KDM1B: variants seen among roughly 807,000 people sequenced by gnomAD.
KDM1B encodes the protein lysine-specific histone demethylase 2.
A neutral mutation model predicts 107.4 loss-of-function variants in KDM1B; 63 were observed. That is an observed-to-expected ratio of 0.59 (90% CI 0.48 to 0.72). The LOEUF (loss-of-function observed/expected upper bound fraction) is 0.72. Among genes scored for constraint, KDM1B ranks in the 30% least tolerant of loss-of-function variants. The probability of loss-of-function intolerance (pLI) is 0.00; values close to 1 mark genes in which losing one functional copy is unlikely to be tolerated. For synonymous variants in KDM1B, 363 were observed against 363.9 expected, an observed-to-expected ratio of 1.00 and a Z score of 0.03; for missense variants, 749 against 1,020.8, an observed-to-expected ratio of 0.73 and a Z score of 3.63.
intron 21 of KDM1B, among the ~76,000 whole-genome samples, chr6:18,218,174 G>T (rs1202702636): frequency 6.6e-6 from 1 of 152,092 alleles, no homozygotes; most frequent in Non-Finnish European, 1.5e-5. Flanking sequence ...AGACTGGAGT[G>T]CAGTGGTACA....
chr6:18,199,030 A>G (rs1296356898), intron 12 of KDM1B, among the ~76,000 whole-genome samples: 1 of 150,322 alleles, frequency 6.7e-6, no homozygotes, highest in Non-Finnish European at 1.5e-5. Flanking sequence ...AAAAAAAAAA[A>G]AAAGAAAAAA....
intron 20 of KDM1B, among the ~76,000 whole-genome samples, chr6:18,215,839 T>C (rs1436609893): frequency 6.6e-6 from 1 of 152,102 alleles, no homozygotes; most frequent in Non-Finnish European, 1.5e-5. Context: ...AGCTTTCCTT[T>C]TAAGAGGAGC....
intron 7 of KDM1B, among the ~76,000 whole-genome samples, chr6:18,175,373 C>T (rs1173754201): frequency 6.6e-6 from 1 of 152,112 alleles, no homozygotes; most frequent in Admixed American, 6.6e-5. Context: ...ATTGTAGATT[C>T]TGGATAGTAG....
intron 7 of KDM1B, among the ~76,000 whole-genome samples, chr6:18,180,937 CCT>C (rs1333511923): frequency 4.6e-5 from 7 of 152,186 alleles, no homozygotes; most frequent in Non-Finnish European, 1.5e-5. Flanking sequence ...CGTAATCTCA[CCT>C]CTCTTTTACT....
At position 18,187,839 on chromosome 6, in the gene KDM1B, A is replaced by G. The variant is rs1786977970; in HGVS notation, c.621A>G (p.Leu207=). Reference sequence around the variant, plus strand: ...ATTGGTGGTACTCTATGCTCATCCTACCTCCTTTGCTGAAAGACAGTGTGG... The same window carrying G: ...ATTGGTGGTACTCTATGCTCATCCTGCCTCCTTTGCTGAAAGACAGTGTGG... The part of the protein sequence containing the change: ...SNHWWYSMLI[L]PPLLKDSVAA... The change falls in exon 9 of 22, where the codon CTA becomes CTG. Residue 207 remains leucine, a synonymous_variant. Transcript: ENST00000650836. 6.5e-7 allele frequency: 1 copy of G among 1,550,086 alleles called. No homozygotes were observed. The highest frequency in any genetic ancestry group is 8.7e-7 in the Non-Finnish European group (1 of 1,146,928).
chr6:18,204,671 G>T lies in KDM1B; in HGVS notation c.1532-866G>T, dbSNP rs1288431966. ...TGTAAGACAAAAATGATATCACAGG[G>T]CTGTGTCCATATAGTTACAAGGTCC... On this transcript the variant is annotated intron_variant, in intron 14 of 21. Transcript: ENST00000650836. The surrounding 1 kb of genome is among the most constrained non-coding windows in gnomAD (Gnocchi z 4.9). 6.6e-6 allele frequency among the ~76,000 whole-genome samples: 1 copy of T among 152,188 alleles called. No homozygotes were observed. Among genetic ancestry groups the T allele is most frequent in the Non-Finnish European group, 1.5e-5 (1 of 68,030 alleles).
intron 9 of KDM1B, among the ~76,000 whole-genome samples, chr6:18,189,184 C>T (rs780281125): frequency 3.3e-5 from 5 of 152,076 alleles, no homozygotes; most frequent in Non-Finnish European, 5.9e-5. Context: ...GAACAAATGG[C>T]ATTTTTGATT....
At chr6:18,163,042 G>C in intron 5 of KDM1B, 118 bp downstream of exon 5, 1 of 653,388 alleles carries the variant, frequency 1.5e-6, no homozygotes, top group Non-Finnish European at 2.8e-6. Context: ...AGCTCTTTCA[G>C]CCATGCCTGT....
At chr6:18,181,308 C>T (rs903055059) in intron 7 of KDM1B, among the ~76,000 whole-genome samples, 2 of 152,090 alleles carry the variant, frequency 1.3e-5, no homozygotes, top group Admixed American at 1.3e-4. Context: ...TAGTACTACA[C>T]ACACTTTTTT....
At position 18,187,946 on chromosome 6, in the gene KDM1B, C is replaced by G. The variant is rs939938288; in HGVS notation, c.728C>G (p.Thr243Ser). 6.4e-7 allele frequency: 1 copy of G among 1,550,430 alleles called. No individual in the cohort carries two copies. Among genetic ancestry groups the G allele is most frequent in the African/African-American group, 1.4e-5 (1 of 73,060 alleles). ...SCTSTNRAAA[T>S]GNASPGKLEH... ...ACCAGCACAAACCGCGCCGCTGCCA[C>G]TGGCAATGCCAGCCCTGGGAAGCTG... Residue 243 changes from threonine to serine, a missense_variant, in exon 9 of 22, where the codon ACT (threonine) becomes AGT (serine). Transcript: ENST00000650836.
At position 18,197,147 on chromosome 6, in the gene KDM1B, T is replaced by G; in HGVS notation, c.1060T>G (p.Tyr354Asp). ...RCVQEVERIL[Y>D]FMTRKGLINT... is the part of the protein sequence containing the mutation. Reference sequence around the variant, plus strand: ...CGTTCAGGAAGTGGAGAGAATACTGTATTTTATGACCAGAAAAGGTCTCAT... The same window carrying G: ...CGTTCAGGAAGTGGAGAGAATACTGGATTTTATGACCAGAAAAGGTCTCAT... Residue 354 changes from tyrosine to aspartate, a missense_variant, in exon 11 of 22, where the codon TAT becomes GAT. Tyr to Asp is a radical substitution (Grantham distance 160). Transcript: ENST00000650836. The surrounding 1 kb of genome is among the most constrained non-coding windows in gnomAD (Gnocchi z 4.5). 1.9e-6 allele frequency: 3 copies of G among 1,614,186 alleles called. No homozygotes were observed. Among genetic ancestry groups the G allele is most frequent in the Non-Finnish European group, 2.5e-6 (3 of 1,180,016 alleles).
In KDM1B at chr6:18,162,058, C is replaced by A. The variant is rs1175471701; in HGVS notation, c.215+604C>A. Reference sequence around the variant, plus strand: ...AAAGAGGGCCAGGCATGGTGGCATGCGCCTGTAATCCCAGCACTTTGAGAG... The same window carrying A: ...AAAGAGGGCCAGGCATGGTGGCATGAGCCTGTAATCCCAGCACTTTGAGAG... On this transcript the variant is annotated intron_variant, in intron 4 of 21. Coordinates refer to ENST00000650836, the MANE Select transcript of KDM1B (RefSeq NM_001364614.2). The surrounding 1 kb of genome is among the most constrained non-coding windows in gnomAD (Gnocchi z 4.1). 6.6e-6 allele frequency among the ~76,000 whole-genome samples: 1 copy of A among 152,202 alleles called. No homozygotes were observed. Among genetic ancestry groups the A allele is most frequent in the African/African-American group, 2.4e-5 (1 of 41,514 alleles).
chr6:18,169,091 C>T (rs540613760), intron 6 of KDM1B, among the ~76,000 whole-genome samples: 5 of 152,078 alleles, frequency 3.3e-5, no homozygotes, highest in Middle Eastern at 3.4e-3. Flanking sequence ...AGGCTGGTCT[C>T]GAACTCCTGA....
intron 10 of KDM1B, among the ~76,000 whole-genome samples, chr6:18,194,220 G>A (rs9465113): frequency 0.043 from 6,564 of 152,146 alleles, 464 homozygotes; most frequent in African/African-American, 0.15. Context: ...CAACCATGTT[G>A]GCCAGGCTGG....
chr6:18,168,446 C>T (rs1395419862), intron 6 of KDM1B, among the ~76,000 whole-genome samples: 1 of 152,128 alleles, frequency 6.6e-6, no homozygotes, highest in Non-Finnish European at 1.5e-5. Context: ...GTACTTCATT[C>T]TTTTTTATGG....
In KDM1B at chr6:18,222,098, A is replaced by G; in HGVS notation, c.*106A>G. 1.0e-6 allele frequency: 1 copy of G among 993,934 alleles called. No individual in the cohort carries two copies. Among genetic ancestry groups the G allele is most frequent in the Admixed American group, 1.7e-5 (1 of 57,416 alleles). 61.6% of individuals were successfully genotyped at this position (993,934 alleles called of 1,614,324 possible). Reference sequence around the variant, plus strand: ...GGGAAAAAACCGTCTCTACATAGTAAAACTGAAATGTTTCTAAGGCGATAT... The same window carrying G: ...GGGAAAAAACCGTCTCTACATAGTAGAACTGAAATGTTTCTAAGGCGATAT... On this transcript the variant is annotated 3_prime_UTR_variant, in exon 22 of 22. Coordinates refer to ENST00000650836, the MANE Select transcript of KDM1B (RefSeq NM_001364614.2).
In KDM1B at chr6:18,162,597, T is replaced by TAAG. The variant is rs1785040419; in HGVS notation, c.216-238_216-237insAAG. Reference sequence around the variant, plus strand: ...ACCCTATCATTGCCCCAAGGAGTCTTCTTAAGACTGCTAAGCCCCAGGCAG... The same window carrying TAAG: ...ACCCTATCATTGCCCCAAGGAGTCTTAAGCTTAAGACTGCTAAGCCCCAGGCAG... On this transcript the variant is annotated intron_variant, in intron 4 of 21. Transcript: ENST00000650836. The surrounding 1 kb of genome is among the most constrained non-coding windows in gnomAD (Gnocchi z 4.1). Among the ~76,000 whole-genome samples, 2 of 152,126 alleles carry TAAG rather than the reference T, an allele frequency of 1.3e-5. No individual in the cohort carries two copies. Among genetic ancestry groups the TAAG allele is most frequent in the Non-Finnish European group, 2.9e-5 (2 of 68,028 alleles).
intron 7 of KDM1B, among the ~76,000 whole-genome samples, chr6:18,174,571 A>G (rs1334756319): frequency 2.0e-5 from 3 of 152,078 alleles, no homozygotes; most frequent in Non-Finnish European, 2.9e-5. Flanking sequence ...CCCGAGCAGT[A>G]TACACTGCAC....
Position 18,204,821 on chromosome 6 carries a change from A to C in KDM1B, c.1532-716A>C, listed in dbSNP as rs214605. ...GGATTGGGTGGGAGAAGGCATTCCC[A>C]TGAGGGAGAGTGGGAGGTCGCAGAC... is the stretch of plus-strand genomic sequence containing the variant. On this transcript the variant is annotated intron_variant, in intron 14 of 21. Coordinates refer to ENST00000650836, the MANE Select transcript of KDM1B (RefSeq NM_001364614.2). This position sits in a 1 kb window ranked among gnomAD's most constrained non-coding sequence, Gnocchi z 4.9. Among the ~76,000 whole-genome samples, 7 of 152,046 alleles carry C rather than the reference A, an allele frequency of 4.6e-5. No homozygotes were observed. The highest frequency in any genetic ancestry group is 1.0e-4 in the Non-Finnish European group (7 of 68,014).
Sources: allele counts gnomAD v4.1 joint callset (sites outside exome capture counted in the v4.1 genomes callset), GRCh38; gene constraint gnomAD v4.1.1; non-coding constraint Gnocchi (gnomAD v3.1); transcripts MANE v1.5; gene names NCBI Gene and HGNC (gene_info 2026-07-23, HGNC 2026-07-21).